Variants in RBFOX2 observed in about 807,000 individuals in gnomAD.
RBFOX2 encodes the protein RNA binding fox-1 homolog 2, also known as RNA binding protein fox-1 homolog 2.
RBFOX2 carries 10 observed loss-of-function variants against 49.1 expected under a neutral mutation model. That is an observed-to-expected ratio of 0.20 (90% CI 0.13 to 0.35). The LOEUF is 0.35. Among genes scored for constraint, RBFOX2 ranks in the 10% least tolerant of loss-of-function variants. The pLI is 1.00. For missense variants in RBFOX2, 323 were observed against 486.9 expected (o/e 0.66, Z 3.17); for synonymous variants, 183 against 187.4 (o/e 0.98, Z 0.19).
chr22:35,841,842 GT>G (rs1365892761), upstream of RBFOX2, among the ~76,000 whole-genome samples: 3 of 152,106 alleles, frequency 2.0e-5, no homozygotes, highest in East Asian at 5.8e-4. Context: ...AGAATACATA[GT>G]TTTTTGCTGT....
chr22:35,991,674 C>A (rs996803473), intron 1 of RBFOX2, among the ~76,000 whole-genome samples: 2 of 152,122 alleles, frequency 1.3e-5, no homozygotes, highest in African/African-American at 4.8e-5. Context: ...TGAGATTCTG[C>A]AAGGAAGAAA....
intron 2 of RBFOX2, among the ~76,000 whole-genome samples, chr22:35,797,152 A>G (rs934244121): frequency 5.9e-5 from 9 of 152,202 alleles, no homozygotes; most frequent in Non-Finnish European, 1.2e-4. Context: ...CTCTTCAAAC[A>G]TAATTTAGAG....
chr22:35,977,181 A>G lies in RBFOX2; in HGVS notation c.187-38284T>C, dbSNP rs146873491. Among the ~76,000 whole-genome samples the G allele has an allele frequency of 7.2e-5, 11 of 152,254 alleles. No homozygotes were observed. In the East Asian group the frequency reaches 1.7e-3, roughly 24 times the overall value. On this transcript the variant is annotated intron_variant, in intron 1 of 13. Coordinates refer to the RBFOX2 transcript ENST00000438146. ...AGGACTCTCATTTTTTAAAAAAACA[A>G]CGGACAATACCAAATAGTGGAAAGA...
intron 1 of RBFOX2, among the ~76,000 whole-genome samples, chr22:35,856,078 T>C (rs1481228001): frequency 6.6e-6 from 1 of 151,948 alleles, no homozygotes; most frequent in Non-Finnish European, 1.5e-5. Flanking sequence ...TTTAATGATA[T>C]CAGGGAGAAA....
intron 1 of RBFOX2, among the ~76,000 whole-genome samples, chr22:35,933,926 T>TTATACATATATA (rs1556421195): frequency 8.5e-6 from 1 of 118,020 alleles, no homozygotes; most frequent in African/African-American, 3.9e-5. Flanking sequence ...TAATTAAATG[T>TTATACATATATA]TATATATATA....
At position 35,902,672 on chromosome 22, in the gene RBFOX2, T is replaced by A. The variant is rs188836502; in HGVS notation, c.-34+36175A>T. Among the ~76,000 whole-genome samples the A allele has an allele frequency of 1.2e-3, 175 of 152,166 alleles. 1 individual carries two copies. In the East Asian group the frequency reaches 0.017, roughly 14 times the overall value. On this transcript the variant is annotated intron_variant, in intron 1 of 13. Coordinates refer to the RBFOX2 transcript ENST00000359369. ...TTTGTCTGTTTGTTTTGAGACAGGA[T>A]CTCACTCTGTCGCCCAGGCTGGAGT...
At chr22:35,963,059 C>CAAAA (rs34027896), upstream of RBFOX2, among the ~76,000 whole-genome samples, 25 of 33,580 alleles carry the variant, frequency 7.4e-4, no homozygotes, top group East Asian at 3.0e-3. Flanking sequence ...AACTCTCCAG[C>CAAAA]AAAAAAAAAA....
intron 1 of RBFOX2, among the ~76,000 whole-genome samples, chr22:35,883,702 A>C (rs900479038): frequency 6.6e-6 from 1 of 152,168 alleles, no homozygotes; most frequent in Non-Finnish European, 1.5e-5. Context: ...TTTGTTTAGA[A>C]GTTTACTTAG....
At position 35,977,778 on chromosome 22, in the gene RBFOX2, A is replaced by G. The variant is rs867230512; in HGVS notation, c.187-38881T>C. On this transcript the variant is annotated intron_variant, in intron 1 of 13. Coordinates refer to the RBFOX2 transcript ENST00000438146. ...TATATATATACATGCACACACACAC[A>G]TATACATATGTGTATACGTATAAAA... is the stretch of plus-strand genomic sequence containing the variant. Among the ~76,000 whole-genome samples, 50 of 143,794 alleles carry G rather than the reference A, an allele frequency of 3.5e-4. 2 individuals carry two copies. The highest frequency in any genetic ancestry group is 2.9e-3 in the South Asian group (13 of 4,476). The allele number at this position is 143,794 out of a possible 152,430, so 94.3% of individuals were successfully genotyped here. A position where few individuals can be genotyped will look rare whatever the true frequency, so the allele number is the denominator to read the frequency against.
At chr22:35,883,177 A>G (rs1057228425) in intron 1 of RBFOX2, among the ~76,000 whole-genome samples, 1 of 152,154 alleles carries the variant, frequency 6.6e-6, no homozygotes, top group Admixed American at 6.5e-5. Flanking sequence ...TTAGCTCCTG[A>G]GCACTTTCTC....
intron 1 of RBFOX2, among the ~76,000 whole-genome samples, chr22:35,836,134 C>A (rs1957614298): frequency 6.6e-6 from 1 of 152,012 alleles, no homozygotes. Context: ...GACTGGCAGG[C>A]AACCGAATGG....
exon 12 of RBFOX2, chr22:35,739,452 A>C (rs574938015): frequency 6.6e-6 from 1 of 152,664 alleles, no homozygotes; most frequent in East Asian, 1.9e-4. Context: ...CACAAGCAGA[A>C]TATAACACAA....
In RBFOX2 at chr22:35,756,023, C is replaced by A. The variant is rs530213539; in HGVS notation, c.887+3865G>T. The stretch of plus-strand genomic sequence containing the variant: ...ATTAAATAAATTAAAAGGAAAAAAA[C>A]CAAACCAAACCAAAGAAACAGAAAA... On this transcript the variant is annotated intron_variant, in intron 9 of 11. Coordinates refer to ENST00000405409, the Ensembl canonical transcript of RBFOX2. The A allele has an allele frequency of 1.6e-4, 173 of 1,086,346 alleles. 1 individual carries two copies. The Admixed American group carries it at 3.4e-3, about 22-fold the overall frequency. 67.3% of individuals were successfully genotyped at this position (1,086,346 alleles called of 1,614,324 possible).
At chr22:35,746,737 C>T (rs1932885551) in intron 9 of RBFOX2, 176 bp from the exon 12 acceptor site, 6 of 405,442 alleles carry the variant, frequency 1.5e-5, no homozygotes, top group Non-Finnish European at 2.6e-5. Flanking sequence ...GTTATTATTC[C>T]TCCAATAAAA....
At chr22:35,961,255 T>C (rs2056169256) in intron 1 of RBFOX2, among the ~76,000 whole-genome samples, 1 of 152,122 alleles carries the variant, frequency 6.6e-6, no homozygotes. Context: ...TGCACACAAA[T>C]ACCCTCACAT....
chr22:36,002,187 CT>C (rs1027317357), intron 1 of RBFOX2, among the ~76,000 whole-genome samples: 1 of 152,194 alleles, frequency 6.6e-6, no homozygotes, highest in African/African-American at 2.4e-5. Flanking sequence ...AAATGTCCCT[CT>C]GATACTCAGC....
intron 1 of RBFOX2, among the ~76,000 whole-genome samples, chr22:35,990,235 A>G (rs1353400310): frequency 6.6e-6 from 1 of 152,158 alleles, no homozygotes; most frequent in Non-Finnish European, 1.5e-5. Flanking sequence ...GGCAGGAGTC[A>G]AGGGTCTAGG....
At chr22:35,897,249 T>G (rs772476401) in intron 1 of RBFOX2, 21 of 1,446,682 alleles carry the variant, frequency 1.5e-5, no homozygotes, top group East Asian at 2.3e-5. Flanking sequence ...AAACCAAGAG[T>G]TGCTCGGGAG....
intron 1 of RBFOX2, among the ~76,000 whole-genome samples, chr22:35,916,706 G>A (rs1168758767): frequency 1.3e-5 from 2 of 151,890 alleles, no homozygotes; most frequent in Admixed American, 1.3e-4. Flanking sequence ...GACCAGCCTG[G>A]CCATCATGAT....
Sources: gnomAD v4.1 joint callset for allele counts (sites outside exome capture counted in the v4.1 genomes callset) on GRCh38, gnomAD v4.1.1 for gene constraint, MANE v1.5 for transcripts, NCBI Gene and HGNC (gene_info 2026-07-23, HGNC 2026-07-21) for gene names.